CD226: variants seen among roughly 807,000 people sequenced by gnomAD.
CD226 encodes CD226 molecule, also known as CD226 antigen.
In CD226, 24 loss-of-function variants were observed where a neutral mutation model predicts 34.9. The observed-to-expected ratio is 0.69, with a 90% CI of 0.50 to 0.97. The LOEUF (loss-of-function observed/expected upper bound fraction) is 0.97, where lower values mean the gene tolerates loss of function less well. CD226 is among the 50% of genes least tolerant of loss of function. The probability of loss-of-function intolerance (pLI) is 0.00; values close to 1 mark genes in which losing one functional copy is unlikely to be tolerated. For missense variants in CD226, 397 were observed against 412.7 expected, an observed-to-expected ratio of 0.96 and a Z score of 0.33; for synonymous variants, 148 against 147.4, an observed-to-expected ratio of 1.00 and a Z score of -0.03.
upstream of CD226, among the ~76,000 whole-genome samples, chr18:69,952,473 T>C (rs2055862678): frequency 6.6e-6 from 1 of 152,218 alleles, no homozygotes; most frequent in Non-Finnish European, 1.5e-5. Context: ...CAATTGATAT[T>C]CAACAAGGTG....
upstream of CD226, among the ~76,000 whole-genome samples, chr18:69,959,207 A>G (rs566666930): frequency 1.8e-4 from 27 of 152,196 alleles, no homozygotes; most frequent in Non-Finnish European, 3.2e-4. Context: ...GAGACAAATT[A>G]AATTGCCCTA....
intron 2 of CD226, among the ~76,000 whole-genome samples, chr18:69,935,049 T>A (rs2055635278): frequency 6.6e-6 from 1 of 152,198 alleles, no homozygotes; most frequent in South Asian, 2.1e-4. Context: ...GATCTTTTTA[T>A]CGACGCTACC....
chr18:69,960,886 A>G (rs2055926557), upstream of CD226, among the ~76,000 whole-genome samples: 1 of 152,248 alleles, frequency 6.6e-6, no homozygotes. Flanking sequence ...TCTCAATTCA[A>G]TTTTGAAATA....
In CD226 at chr18:69,855,021, C is replaced by T. The variant is rs1236529083; in HGVS notation, c.*9293G>A. 1 of 152,144 alleles carries T rather than the reference C, an allele frequency of 6.6e-6. No homozygotes were observed. The highest frequency in any genetic ancestry group is 2.4e-5 in the African/African-American group (1 of 41,418). The allele number at this position is 152,144 out of a possible 1,614,324, so 9.4% of individuals were successfully genotyped here. A position where few individuals can be genotyped will look rare whatever the true frequency, so the allele number is the denominator to read the frequency against. ...CTATGGTTATAACAGACTTTAAACA[C>T]AGTCTAATAGTTAGTCAGATTAAGA... is the stretch of plus-strand genomic sequence containing the variant. On this transcript the variant is annotated 3_prime_UTR_variant, in exon 6 of 6. Transcript: ENST00000582621.
At position 69,894,650 on chromosome 18, in the gene CD226, G is replaced by A. The variant is rs1327316756; in HGVS notation, c.727+1051C>T. 2.6e-4 allele frequency among the ~76,000 whole-genome samples: 35 copies of A among 133,102 alleles called. No individual in the cohort carries two copies. The South Asian group carries it at 8.9e-3, about 34-fold the overall frequency. 87.3% of individuals were successfully genotyped at this position (133,102 alleles called of 152,430 possible). A position where few individuals can be genotyped will look rare whatever the true frequency, so the allele number is the denominator to read the frequency against. Reference sequence around the variant, plus strand: ...GGGGAGGGGAGGAGGGGAGGGGAGGGAGGAAGGAAAGGAAGAAGGGAGAAC... The same window carrying A: ...GGGGAGGGGAGGAGGGGAGGGGAGGAAGGAAGGAAAGGAAGAAGGGAGAAC... On this transcript the variant is annotated intron_variant, in intron 3 of 5. Coordinates refer to ENST00000582621, the MANE Select transcript of CD226 (RefSeq NM_001303618.2).
chr18:69,956,060 C>T (rs1334416910), intron 1 of CD226, among the ~76,000 whole-genome samples: 1 of 152,120 alleles, frequency 6.6e-6, no homozygotes, highest in Non-Finnish European at 1.5e-5. Context: ...CAGTAGAACC[C>T]CACTTCCAGT....
chr18:69,925,104 T>G (rs1020155740), intron 2 of CD226, among the ~76,000 whole-genome samples: 11 of 152,338 alleles, frequency 7.2e-5, no homozygotes, highest in African/African-American at 2.6e-4. Flanking sequence ...CAGCTTGCTT[T>G]GCAGGTGCTA....
intron 2 of CD226, among the ~76,000 whole-genome samples, chr18:69,935,705 A>T (rs1428513781): frequency 6.6e-6 from 1 of 152,140 alleles, no homozygotes; most frequent in African/African-American, 2.4e-5. Flanking sequence ...AAAAACCAAG[A>T]ACTGTGTAGT....
At chr18:69,865,039 C>G (rs1983053827) in intron 5 of CD226, among the ~76,000 whole-genome samples, 1 of 152,148 alleles carries the variant, frequency 6.6e-6, no homozygotes, top group Non-Finnish European at 1.5e-5. Context: ...GTTGCCCAAG[C>G]TGGAGTGCAG....
chr18:69,958,286 C>T (rs762845908), upstream of CD226, among the ~76,000 whole-genome samples: 1 of 152,174 alleles, frequency 6.6e-6, no homozygotes, highest in Non-Finnish European at 1.5e-5. Flanking sequence ...TTGACCATGC[C>T]AGGTGCTCAG....
chr18:69,946,893 A>T lies in CD226; in HGVS notation c.223T>A (p.Tyr75Asn). ...PTHGMVIRKPYAERVYFLNST... is the reference protein window; with the variant it reads ...PTHGMVIRKPNAERVYFLNST... ...TTCAAAAAGTAAACCCTCTCAGCATAGGGCTTCCTTATGACCATGCCATGA... is the reference window on the plus strand; with the variant it reads ...TTCAAAAAGTAAACCCTCTCAGCATTGGGCTTCCTTATGACCATGCCATGA... The change falls in exon 2 of 6, where the codon TAT (tyrosine) becomes AAT (asparagine). Residue 75 changes from tyrosine (Y) to asparagine (N), a missense_variant. Tyr to Asn is a moderately radical substitution (Grantham distance 143). Transcript: ENST00000582621. 2 of 1,614,140 alleles carry T rather than the reference A, an allele frequency of 1.2e-6. No homozygotes were observed. The highest frequency in any genetic ancestry group is 3.3e-5 in the Admixed American group (2 of 60,004).
intron 5 of CD226, among the ~76,000 whole-genome samples, chr18:69,865,338 T>C (rs1983074150): frequency 6.6e-6 from 1 of 152,200 alleles, no homozygotes; most frequent in African/African-American, 2.4e-5. Flanking sequence ...TCAAGTGCCA[T>C]GATTACTTAT....
Position 69,896,182 on chromosome 18 carries a change from T to C in CD226, c.383-137A>G, listed in dbSNP as rs1985281665. The C allele has an allele frequency of 6.2e-4, 528 of 847,194 alleles. No individual in the cohort carries two copies. The Admixed American group carries it at 0.014, about 22-fold the overall frequency. 52.5% of individuals were successfully genotyped at this position (847,194 alleles called of 1,614,324 possible). A position where few individuals can be genotyped will look rare whatever the true frequency, so the allele number is the denominator to read the frequency against. On this transcript the variant is annotated intron_variant, in intron 2 of 5. Transcript: ENST00000582621. ...GTTGTGAATGACCTCTTTATACTAC[T>C]TTTTTTTTTTTTTTCCTGAGACGGA...
chr18:69,947,144 G>A, intron 1 of CD226, 75 bp from the exon 2 acceptor site: 1 of 1,254,410 alleles, frequency 8.0e-7, no homozygotes, highest in Non-Finnish European at 1.1e-6. Flanking sequence ...AGCTTTTGAA[G>A]ACCTAGTGCA....
intron 2 of CD226, among the ~76,000 whole-genome samples, chr18:69,918,096 A>G (rs1298192668): frequency 6.6e-6 from 1 of 152,190 alleles, no homozygotes; most frequent in Non-Finnish European, 1.5e-5. Flanking sequence ...TCTCAATTAA[A>G]CAAATCTACT....
intron 2 of CD226, among the ~76,000 whole-genome samples, chr18:69,938,168 T>C (rs968267326): frequency 2.6e-5 from 4 of 152,170 alleles, no homozygotes; most frequent in Non-Finnish European, 5.9e-5. Context: ...TCAGCAAACA[T>C]ACAATACAGC....
At chr18:69,937,615 T>C (rs2055671394) in intron 2 of CD226, among the ~76,000 whole-genome samples, 1 of 152,190 alleles carries the variant, frequency 6.6e-6, no homozygotes, top group Admixed American at 6.5e-5. Context: ...GAACATTACA[T>C]TGTACATTGT....
chr18:69,892,191 A>G (rs1448435977), intron 3 of CD226, among the ~76,000 whole-genome samples: 1 of 152,216 alleles, frequency 6.6e-6, no homozygotes, highest in Non-Finnish European at 1.5e-5. Context: ...AGTTTTTTCA[A>G]TATTAGCCTC....
At chr18:69,949,769 C>T (rs1054874615), upstream of CD226, among the ~76,000 whole-genome samples, 4 of 152,022 alleles carry the variant, frequency 2.6e-5, no homozygotes, top group East Asian at 7.7e-4. Context: ...TGCACCCACA[C>T]ACACATGCTC....
Sources: allele counts gnomAD v4.1 joint callset (sites outside exome capture counted in the v4.1 genomes callset), GRCh38; gene constraint gnomAD v4.1.1; transcripts MANE v1.5; gene names NCBI Gene and HGNC (gene_info 2026-07-23, HGNC 2026-07-21).